The following EBF3 variants were observed in gnomAD, a reference collection of about 807,000 sequenced individuals.
EBF3 encodes EBF transcription factor 3.
Under a neutral mutation model 77.1 loss-of-function variants are expected in EBF3, and 18 were observed. That is an observed-to-expected ratio of 0.23 (90% CI 0.16 to 0.35). The LOEUF is 0.35. Among genes scored for constraint, EBF3 ranks in the 10% least tolerant of loss-of-function variants. The pLI is 1.00. For missense variants in EBF3, 558 were observed against 860.0 expected, an observed-to-expected ratio of 0.65 and a Z score of 4.39; for synonymous variants, 350 against 343.5, an observed-to-expected ratio of 1.02 and a Z score of -0.21.
chr10:129,953,301 C>T (rs556823689), intron 6 of EBF3, among the ~76,000 whole-genome samples: 3 of 152,248 alleles, frequency 2.0e-5, no homozygotes, highest in South Asian at 2.1e-4. Flanking sequence ...ACGTCAATTA[C>T]GCATAAAAAT....
At chr10:129,896,260 G>A (rs1019198631) in intron 6 of EBF3, among the ~76,000 whole-genome samples, 5 of 152,222 alleles carry the variant, frequency 3.3e-5, no homozygotes, top group Non-Finnish European at 7.3e-5. Flanking sequence ...GCCGGCTGCC[G>A]GATGTCAGGT....
At chr10:129,921,470 T>A (rs1469324421) in intron 6 of EBF3, among the ~76,000 whole-genome samples, 1 of 152,172 alleles carries the variant, frequency 6.6e-6, no homozygotes, top group Non-Finnish European at 1.5e-5. Context: ...GGGCAGAGGA[T>A]ACCCCCGACC....
chr10:129,904,140 C>T (rs1028761886), intron 6 of EBF3, among the ~76,000 whole-genome samples: 1 of 152,190 alleles, frequency 6.6e-6, no homozygotes, highest in Non-Finnish European at 1.5e-5. Context: ...ATGCCCATCC[C>T]CAACTCATCT....
rs1208301729 is a variant in EBF3, at chr10:129,943,088, T to C, written c.554+14170A>G. Among the ~76,000 whole-genome samples, 2 of 152,206 alleles carry C rather than the reference T, an allele frequency of 1.3e-5. No individual in the cohort carries two copies. Among genetic ancestry groups the C allele is most frequent in the East Asian group, 3.9e-4 (2 of 5,192 alleles). On this transcript the variant is annotated intron_variant, in intron 6 of 16. Transcript: ENST00000440978. This position sits in a 1 kb window ranked among gnomAD's most constrained non-coding sequence, Gnocchi z 8.8. ...ATTCTAAACCACTTTGCCTGCACGA[T>C]GGGAATGACTGGATCACTCCACCGG...
At chr10:129,937,733 C>G (rs1301135391) in intron 6 of EBF3, among the ~76,000 whole-genome samples, 2 of 152,182 alleles carry the variant, frequency 1.3e-5, no homozygotes, top group African/African-American at 4.8e-5. Flanking sequence ...ATGGCCCACC[C>G]CCAGGCCAAC....
chr10:129,855,232 C>T (rs752799611), intron 10 of EBF3, among the ~76,000 whole-genome samples: 1 of 152,210 alleles, frequency 6.6e-6, no homozygotes, highest in East Asian at 1.9e-4. Context: ...GGAATTCACA[C>T]AGACAGCCCA....
In EBF3 at chr10:129,909,195, G is replaced by A. The variant is rs574954256; in HGVS notation, c.555-31346C>T. On this transcript the variant is annotated intron_variant, in intron 6 of 16. Transcript: ENST00000440978. ...TGCCCAGAACCCATGATCTCCCCAT[G>A]GCTGCCCTGGATGGAAGAGGCCAGA... Among the ~76,000 whole-genome samples, 4 of 152,170 alleles carry A rather than the reference G, an allele frequency of 2.6e-5. No homozygotes were observed. The South Asian group carries it at 8.3e-4, about 32-fold the overall frequency.
Position 129,837,886 on chromosome 10 carries a change from C to G in EBF3, c.*57G>C, listed in dbSNP as rs762083975. 1.2e-6 allele frequency: 2 copies of G among 1,613,806 alleles called. No individual in the cohort carries two copies. Among genetic ancestry groups the G allele is most frequent in the Non-Finnish European group, 1.7e-6 (2 of 1,179,718 alleles). On this transcript the variant is annotated 3_prime_UTR_variant, in exon 17 of 17. Coordinates refer to ENST00000440978, the MANE Select transcript of EBF3 (RefSeq NM_001375380.1). ...TATACTAAACGTGTCCCCTGAAGTCCGTCCTTTGATGCTGGGTGCTGCGGA... is the reference window on the plus strand; with the variant it reads ...TATACTAAACGTGTCCCCTGAAGTCGGTCCTTTGATGCTGGGTGCTGCGGA...
At chr10:129,886,480 C>T (rs1434807256) in intron 6 of EBF3, among the ~76,000 whole-genome samples, 1 of 152,238 alleles carries the variant, frequency 6.6e-6, no homozygotes, top group Non-Finnish European at 1.5e-5. Context: ...TCTCTCTTCA[C>T]CTCCCTTTGT....
rs1356167235 is a variant in EBF3 at position 129,870,785 on chromosome 10, G to T, written c.781+2667C>A. On this transcript the variant is annotated intron_variant, in intron 8 of 16. Transcript: ENST00000440978. This position sits in a 1 kb window ranked among gnomAD's most constrained non-coding sequence, Gnocchi z 4.4. ...CCCGTGTTGGAGACCCATATCTTTG[G>T]GTTTTTTTCCTTTCTTTTGGGGTCT... Among the ~76,000 whole-genome samples, 1 of 152,100 alleles carries T rather than the reference G, an allele frequency of 6.6e-6. No individual in the cohort carries two copies. The highest frequency in any genetic ancestry group is 2.1e-4 in the South Asian group (1 of 4,806).
rs567969927 is a variant in EBF3 at position 129,895,068 on chromosome 10, A to C, written c.555-17219T>G. Among the ~76,000 whole-genome samples, 54 of 152,350 alleles carry C rather than the reference A, an allele frequency of 3.5e-4. No individual in the cohort carries two copies. The South Asian group carries it at 0.011, about 31-fold the overall frequency. On this transcript the variant is annotated intron_variant, in intron 6 of 16. Coordinates refer to ENST00000440978, the MANE Select transcript of EBF3 (RefSeq NM_001375380.1). ...GTGGGCATGCGGAACGGGGACAGTA[A>C]GGCCAGGTTCAGCCCCTTGTTCTGC... is the stretch of plus-strand genomic sequence containing the variant.
chr10:129,888,135 G>A (rs1043214141), intron 6 of EBF3, among the ~76,000 whole-genome samples: 4 of 152,326 alleles, frequency 2.6e-5, no homozygotes, highest in African/African-American at 9.6e-5. Flanking sequence ...CGTGCTCCAG[G>A]AAGGAGTTGC....
In EBF3 at chr10:129,861,917, C is replaced by T. The variant is rs189214548; in HGVS notation, c.1039+5224G>A. 9.9e-5 allele frequency among the ~76,000 whole-genome samples: 15 copies of T among 152,272 alleles called. No individual in the cohort carries two copies. Among genetic ancestry groups the T allele is most frequent in the Admixed American group, 4.6e-4 (7 of 15,296 alleles). On this transcript the variant is annotated intron_variant, in intron 10 of 16. Coordinates refer to ENST00000440978, the MANE Select transcript of EBF3 (RefSeq NM_001375380.1). This position sits in a 1 kb window ranked among gnomAD's most constrained non-coding sequence, Gnocchi z 4.3. ...CTGGGAGACAGCAAGCTGGGGCTGG[C>T]GTGGTCGAAGGGCACAGTCGACTCC...
intron 6 of EBF3, among the ~76,000 whole-genome samples, chr10:129,908,549 T>C (rs1449680713): frequency 6.6e-6 from 1 of 152,158 alleles, no homozygotes; most frequent in African/African-American, 2.4e-5. Flanking sequence ...TATACCTGAA[T>C]AGGGTGGCTT....
At position 129,870,578 on chromosome 10, in the gene EBF3, T is replaced by C. The variant is rs11016986; in HGVS notation, c.782-2666A>G. Among the ~76,000 whole-genome samples the C allele has an allele frequency of 0.011, 1,613 of 152,078 alleles. 9 individuals carry two copies. The highest frequency in any genetic ancestry group is 0.048 in the East Asian group (246 of 5,128). On this transcript the variant is annotated intron_variant, in intron 8 of 16. Coordinates refer to ENST00000440978, the MANE Select transcript of EBF3 (RefSeq NM_001375380.1). This position sits in a 1 kb window ranked among gnomAD's most constrained non-coding sequence, Gnocchi z 4.4. ...ATCTGACATGCGCCACCATGACCTGTTTTTAACTCTGAGGATCCTCTCAGC... is the reference window on the plus strand; with the variant it reads ...ATCTGACATGCGCCACCATGACCTGCTTTTAACTCTGAGGATCCTCTCAGC...
At chr10:129,948,480 G>A (rs186949279) in intron 6 of EBF3, among the ~76,000 whole-genome samples, 5 of 152,212 alleles carry the variant, frequency 3.3e-5, no homozygotes, top group South Asian at 4.1e-4. Context: ...GCCACGATGC[G>A]TTTGCCAAAA....
chr10:129,882,282 C>G (rs1319829926), intron 6 of EBF3, among the ~76,000 whole-genome samples: 2 of 152,076 alleles, frequency 1.3e-5, no homozygotes, highest in Admixed American at 6.5e-5. Context: ...GTAAATTGGC[C>G]CTTTGTGAGC....
intron 9 of EBF3, 68 bp downstream of exon 9, chr10:129,867,714 T>A: frequency 6.3e-7 from 1 of 1,597,522 alleles, no homozygotes; most frequent in Non-Finnish European, 8.5e-7. Context: ...CAATACACTA[T>A]TGACAGCTTG....
intron 4 of EBF3, among the ~76,000 whole-genome samples, chr10:129,960,948 CTCTG>C (rs1859469342): frequency 6.6e-6 from 1 of 152,220 alleles, no homozygotes; most frequent in African/African-American, 2.4e-5. Context: ...GGCACACCGC[CTCTG>C]TCTTTGTCAG....
Sources: allele counts gnomAD v4.1 joint callset (sites outside exome capture counted in the v4.1 genomes callset), GRCh38; gene constraint gnomAD v4.1.1; non-coding constraint Gnocchi (gnomAD v3.1); transcripts MANE v1.5; gene names NCBI Gene and HGNC (gene_info 2026-07-23, HGNC 2026-07-21).